The following CKAP5 variants were observed in gnomAD, a reference collection of about 807,000 sequenced individuals.
CKAP5 encodes cytoskeleton associated protein 5.
CKAP5 carries 27 observed loss-of-function variants against 232.8 expected under a neutral mutation model. The ratio of observed to expected loss-of-function variants is 0.12; its 90% CI spans 0.09 to 0.16. The LOEUF (loss-of-function observed/expected upper bound fraction) is 0.16, where lower values mean the gene tolerates loss of function less well. Ranked by LOEUF, CKAP5 falls within the 10% of genes least tolerant of loss-of-function variation. The pLI is 1.00. For missense variants in CKAP5, 1,838 were observed against 2,424.7 expected (o/e 0.76, Z 5.08); for synonymous variants, 785 against 841.1 (o/e 0.93, Z 1.16).
intron 1 of CKAP5, among the ~76,000 whole-genome samples, chr11:46,840,455 G>C: frequency 6.6e-6 from 1 of 152,116 alleles, no homozygotes; most frequent in Non-Finnish European, 1.5e-5. Flanking sequence ...AAGAGAGCCT[G>C]GCTTTACCTT....
At chr11:46,752,232 AC>A (rs1405949223) in intron 38 of CKAP5, among the ~76,000 whole-genome samples, 6 of 144,614 alleles carry the variant, frequency 4.1e-5, no homozygotes, top group Admixed American at 2.1e-4. Flanking sequence ...ACACACACAC[AC>A]GTGTATTATA....
chr11:46,836,866 G>A (rs1453088551), intron 1 of CKAP5, among the ~76,000 whole-genome samples: 2 of 152,184 alleles, frequency 1.3e-5, no homozygotes, highest in Non-Finnish European at 2.9e-5. Context: ...GCAGGAGTTC[G>A]AGACTTTTAT....
Position 46,816,327 on chromosome 11 carries a change from A to G in CKAP5, c.329T>C (p.Ile110Thr). 6.2e-7 allele frequency: 1 copy of G among 1,614,084 alleles called. No homozygotes were observed. Among genetic ancestry groups the G allele is most frequent in the East Asian group, 2.2e-5 (1 of 44,878 alleles). The change falls in exon 4 of 44, where the codon ATA becomes ACA. Residue 110 changes from isoleucine to threonine, a missense_variant. Ile to Thr is a moderately conservative substitution (Grantham distance 89). Transcript: ENST00000529230. ...CTCTATGTACATAAGACAGATCTCTATGCCCAGCTCCTTGGCTTTAGCTTT... is the reference window on the plus strand; with the variant it reads ...CTCTATGTACATAAGACAGATCTCTGTGCCCAGCTCCTTGGCTTTAGCTTT... ...QPKAKAKELG[I>T]EICLMYIEIE... is the part of the protein sequence containing the mutation.
chr11:46,773,533 G>A (rs948368687), intron 24 of CKAP5, among the ~76,000 whole-genome samples: 1 of 150,896 alleles, frequency 6.6e-6, no homozygotes, highest in Admixed American at 6.6e-5. Context: ...ACAGGCGTGA[G>A]CCACTGCAAC....
rs754140139 is a variant in CKAP5 at position 46,795,608 on chromosome 11, C to T, written c.1636G>A (p.Ala546Thr). The T allele has an allele frequency of 1.9e-6, 3 of 1,612,868 alleles. No homozygotes were observed. Among genetic ancestry groups the T allele is most frequent in the Non-Finnish European group, 2.5e-6 (3 of 1,179,544 alleles). Residue 546 changes from alanine (A) to threonine (T), a missense_variant, in exon 13 of 44, where the codon GCA (alanine) becomes ACA (threonine). Coordinates refer to ENST00000529230, the MANE Select transcript of CKAP5 (RefSeq NM_001008938.4). Reference protein sequence around the residue: ...SAPKPGPLKKAPAAKAGGPPK... With the variant: ...SAPKPGPLKKTPAAKAGGPPK... Reference sequence around the variant, plus strand: ...AATCTATTAACCTTAGCAGCAGGTGCCTTTTTTAGAGGTCCTGGTTTGGGT... The same window carrying T: ...AATCTATTAACCTTAGCAGCAGGTGTCTTTTTTAGAGGTCCTGGTTTGGGT...
At chr11:46,774,416 A>C (rs1380889762) in intron 24 of CKAP5, among the ~76,000 whole-genome samples, 1 of 152,222 alleles carries the variant, frequency 6.6e-6, no homozygotes, top group Non-Finnish European at 1.5e-5. Context: ...ATACTGCCTG[A>C]AGTAATTTAT....
chr11:46,757,155 A>C (rs759692850), intron 35 of CKAP5, among the ~76,000 whole-genome samples: 2 of 151,998 alleles, frequency 1.3e-5, no homozygotes, highest in Non-Finnish European at 2.9e-5. Flanking sequence ...TTATCAGCAA[A>C]GTGATGTGGA....
chr11:46,832,035 A>C (rs2100204404), intron 1 of CKAP5, among the ~76,000 whole-genome samples: 1 of 147,144 alleles, frequency 6.8e-6, no homozygotes, highest in Non-Finnish European at 1.5e-5. Context: ...CAACTTTTTT[A>C]CTTTTTGTAG....
chr11:46,776,840 T>TATTTA (rs1565729786), intron 23 of CKAP5, among the ~76,000 whole-genome samples: 1 of 151,686 alleles, frequency 6.6e-6, no homozygotes, highest in African/African-American at 2.4e-5. Flanking sequence ...GCACAAATTA[T>TATTTA]ATTAAATAAA....
rs371355657 is a variant in CKAP5, at chr11:46,760,575, T to A, written c.4394+37A>T. The stretch of plus-strand genomic sequence containing the variant: ...CTGTGAGCACACAAGGCAAAGGCCA[T>A]GGAGATGCTCTCAGACAAGTATCTC... On this transcript the variant is annotated intron_variant, in intron 33 of 43. Coordinates refer to ENST00000529230, the MANE Select transcript of CKAP5 (RefSeq NM_001008938.4). 1.6e-5 allele frequency: 26 copies of A among 1,603,112 alleles called. No homozygotes were observed. In the African/African-American group the frequency reaches 3.3e-4, roughly 21 times the overall value.
In CKAP5 at chr11:46,787,085, G is replaced by A. The variant is rs561125555; in HGVS notation, c.1968+1596C>T. On this transcript the variant is annotated intron_variant, in intron 16 of 43. Transcript: ENST00000529230. ...AAGTGGGAGGATCTCTGGAGCCTAA[G>A]GTGTCAACACTGCAGTGAGCCACGT... 3.9e-5 allele frequency among the ~76,000 whole-genome samples: 6 copies of A among 152,224 alleles called. No individual in the cohort carries two copies. The South Asian group carries it at 1.0e-3, about 26-fold the overall frequency.
At chr11:46,796,996 C>A in intron 11 of CKAP5, 56 bp from the exon 12 acceptor site, 3 of 1,579,334 alleles carry the variant, frequency 1.9e-6, no homozygotes, top group Non-Finnish European at 2.6e-6. Context: ...AGGCATTACT[C>A]ATTTTAATTC....
At chr11:46,786,198 T>A (rs1430409775) in intron 16 of CKAP5, among the ~76,000 whole-genome samples, 1 of 152,124 alleles carries the variant, frequency 6.6e-6, no homozygotes, top group African/African-American at 2.4e-5. Context: ...ACAAGAACCA[T>A]TTAAAGAAAG....
chr11:46,766,834 T>C (rs1052715827), intron 27 of CKAP5, among the ~76,000 whole-genome samples: 18 of 152,214 alleles, frequency 1.2e-4, no homozygotes, highest in Admixed American at 1.3e-4. Context: ...CAACTCTCCA[T>C]GAATATTGAA....
intron 35 of CKAP5, 120 bp downstream of exon 35, chr11:46,758,803 G>T: frequency 8.7e-7 from 1 of 1,150,720 alleles, no homozygotes. Flanking sequence ...TCTTTCCTCG[G>T]GAAAGTATGA....
Position 46,809,794 on chromosome 11 carries a change from T to C in CKAP5, c.711A>G (p.Glu237=). ...GTTGTTGTTCCAATTTAGCTTCTAG[T>C]TCTTGTTGGGAACGAAGAAATCGAG... The part of the protein sequence containing the change: ...RPTRFLRSQQ[E]LEAKLEQQQS... Residue 237 remains glutamate (E), a synonymous_variant, in exon 6 of 44, where the codon GAA becomes GAG. Transcript: ENST00000529230. 6.2e-7 allele frequency: 1 copy of C among 1,614,114 alleles called. No individual in the cohort carries two copies. Among genetic ancestry groups the C allele is most frequent in the Non-Finnish European group, 8.5e-7 (1 of 1,180,008 alleles).
intron 1 of CKAP5, among the ~76,000 whole-genome samples, chr11:46,841,813 C>G (rs1251619731): frequency 6.6e-6 from 1 of 152,050 alleles, no homozygotes; most frequent in Non-Finnish European, 1.5e-5. Context: ...ATCTGGCTAA[C>G]AGTGAAACTC....
chr11:46,805,395 A>G (rs553622772), intron 8 of CKAP5, among the ~76,000 whole-genome samples: 1 of 152,312 alleles, frequency 6.6e-6, no homozygotes, highest in South Asian at 2.1e-4. Flanking sequence ...CCTTTTTACT[A>G]CTTTCATTAA....
In CKAP5 at chr11:46,743,205, C is replaced by T. The variant is rs1022436810; in HGVS notation, c.*818G>A. 2 of 152,162 alleles carry T rather than the reference C, an allele frequency of 1.3e-5. No individual in the cohort carries two copies. Among genetic ancestry groups the T allele is most frequent in the African/African-American group, 2.4e-5 (1 of 41,456 alleles). The allele number at this position is 152,162 out of a possible 1,614,324, so 9.4% of individuals were successfully genotyped here. On this transcript the variant is annotated 3_prime_UTR_variant, in exon 44 of 44. Coordinates refer to ENST00000529230, the MANE Select transcript of CKAP5 (RefSeq NM_001008938.4). ...CACTGAAGCCCAGCCAATCTCTGGGCGCAATCTTGTGTGCCTTTGGTCAGC... is the reference window on the plus strand; with the variant it reads ...CACTGAAGCCCAGCCAATCTCTGGGTGCAATCTTGTGTGCCTTTGGTCAGC...
Sources: gnomAD v4.1 joint callset for allele counts (sites outside exome capture counted in the v4.1 genomes callset) on GRCh38, gnomAD v4.1.1 for gene constraint, MANE v1.5 for transcripts, NCBI Gene and HGNC (gene_info 2026-07-23, HGNC 2026-07-21) for gene names.